STKLD1: variants seen among roughly 807,000 people sequenced by gnomAD.
STKLD1 encodes serine/threonine kinase-like domain-containing protein STKLD1.
In STKLD1, 79 loss-of-function variants were observed where a neutral mutation model predicts 80.4. The observed-to-expected ratio is 0.98, with a 90% CI of 0.82 to 1.19. The LOEUF (loss-of-function observed/expected upper bound fraction) is 1.19, where lower values mean the gene tolerates loss of function less well. Ranked by LOEUF, STKLD1 falls within the 50% of genes most tolerant of loss-of-function variation. STKLD1 has a pLI of 0.00. For missense variants in STKLD1, 841 were observed against 856.0 expected (o/e 0.98, Z 0.22); for synonymous variants, 393 against 357.6 (o/e 1.10, Z -1.12).
Position 133,405,264 on chromosome 9 carries a change from C to T in STKLD1, c.1886C>T (p.Pro629Leu), listed in dbSNP as rs143000003. 1.2e-4 allele frequency: 192 copies of T among 1,606,532 alleles called. No individual in the cohort carries two copies. The African/African-American group carries it at 1.7e-3, about 14-fold the overall frequency. Residue 629 changes from proline (P) to leucine (L), a missense_variant, in exon 18 of 18, where the codon CCG (proline) becomes CTG (leucine). Pro to Leu is a moderately conservative substitution (Grantham distance 98, BLOSUM62 -3). Coordinates refer to ENST00000371957, the MANE Select transcript of STKLD1 (RefSeq NM_153710.5). ...GCTCCACCTGCAGAGGAGATCCTGC[C>T]GGAGCTGGTGTCCAGTAGTATGAAG... ...VHLASYEEIL[P>L]ELVSSSMKAL...
At chr9:133,388,702 G>T in intron 5 of STKLD1, 1 of 966,618 alleles carries the variant, frequency 1.0e-6, no homozygotes, top group Non-Finnish European at 1.2e-6. Flanking sequence ...TCTTATGGAA[G>T]CTTGGTTATT....
At chr9:133,405,101 C>A in intron 17 of STKLD1, 151 bp from the exon 18 acceptor site, 1 of 1,300,256 alleles carries the variant, frequency 7.7e-7, no homozygotes, top group Non-Finnish European at 1.0e-6. Flanking sequence ...GTTGTCCTGG[C>A]TGAGGGTGAC....
chr9:133,378,161 C>T (rs2130256882), intron 1 of STKLD1, among the ~76,000 whole-genome samples: 5 of 152,318 alleles, frequency 3.3e-5, no homozygotes, highest in Non-Finnish European at 5.9e-5. Flanking sequence ...TAACAGGCCA[C>T]GGACTAGGTT....
Position 133,403,693 on chromosome 9 carries a change from G to A in STKLD1, c.1475-7G>A, listed in dbSNP as rs782169477. 1.4e-5 allele frequency: 23 copies of A among 1,611,688 alleles called. No homozygotes were observed. Among genetic ancestry groups the A allele is most frequent in the East Asian group, 1.3e-4 (6 of 44,812 alleles). On this transcript the variant is annotated splice_region_variant and splice_polypyrimidine_tract_variant and intron_variant, in intron 14 of 17. Transcript: ENST00000371957. Reference sequence around the variant, plus strand: ...GGTGTCCCCTTCCATCCCTGTCCTCGTTCCAGGTATCATTGTGAACAAGGC... The same window carrying A: ...GGTGTCCCCTTCCATCCCTGTCCTCATTCCAGGTATCATTGTGAACAAGGC...
At chr9:133,393,603 G>A (rs1554776291) in intron 7 of STKLD1, among the ~76,000 whole-genome samples, 1 of 143,590 alleles carries the variant, frequency 7.0e-6, no homozygotes, top group East Asian at 2.1e-4. Flanking sequence ...GTGAGTGAGT[G>A]AATGGGTGAG....
rs1201931859 is a variant in STKLD1, at chr9:133,390,227, ACACACACACACACACACACACAC to A, written c.468-453_468-431del. ...CACACACACACACACACACACACAC[ACACACACACACACACACACACAC>A]ACCACGCAGACCATACGTACAAAGG... On this transcript the variant is annotated intron_variant, in intron 6 of 17. Coordinates refer to ENST00000371957, the MANE Select transcript of STKLD1 (RefSeq NM_153710.5). The surrounding 1 kb of genome is among the most constrained non-coding windows in gnomAD (Gnocchi z 5.1). Among the ~76,000 whole-genome samples, 1 of 148,072 alleles carries A rather than the reference ACACACACACACACACACACACAC, an allele frequency of 6.8e-6. No individual in the cohort carries two copies. The highest frequency in any genetic ancestry group is 2.6e-5 in the African/African-American group (1 of 38,260).
At position 133,390,685 on chromosome 9, in the gene STKLD1, C is replaced by T. The variant is rs2130286999; in HGVS notation, c.472C>T (p.Leu158Phe). 4 of 1,613,326 alleles carry T rather than the reference C, an allele frequency of 2.5e-6. No individual in the cohort carries two copies. Among genetic ancestry groups the T allele is most frequent in the South Asian group, 1.1e-5 (1 of 90,992 alleles). ...LHHLDIIHRN[L>F]KPSNIILISS... ...AAACCCACCTCTTGGTTTCAGGAAT[C>T]TCAAACCCTCCAACATCATCCTCAT... The change falls in exon 7 of 18, where the codon CTC (leucine) becomes TTC (phenylalanine). Residue 158 changes from leucine (L) to phenylalanine (F), a missense_variant. Physicochemically the swap from Leu to Phe is conservative, Grantham distance 22. Transcript: ENST00000371957. This position sits in a 1 kb window ranked among gnomAD's most constrained non-coding sequence, Gnocchi z 5.1.
intron 5 of STKLD1, chr9:133,387,773 T>C (rs113845480): frequency 0.03 from 19,766 of 651,020 alleles, 435 homozygotes; most frequent in Non-Finnish European, 0.045. Flanking sequence ...ACAGAAGGCG[T>C]TCCTAACACT....
At chr9:133,400,614 G>A (rs1006303243) in intron 12 of STKLD1, 85 bp downstream of exon 12, 27 of 1,124,504 alleles carry the variant, frequency 2.4e-5, no homozygotes, top group South Asian at 2.0e-4. Context: ...GGTGGGCACC[G>A]GGCCGGGTGG....
intron 17 of STKLD1, 138 bp from the exon 18 acceptor site, chr9:133,405,114 T>C: frequency 1.5e-6 from 2 of 1,317,156 alleles, no homozygotes; most frequent in East Asian, 2.4e-5. Context: ...AGGGTGACGC[T>C]TGGGGCTCCG....
At chr9:133,391,226 G>A (rs1323796450) in intron 7 of STKLD1, among the ~76,000 whole-genome samples, 17 of 149,252 alleles carry the variant, frequency 1.1e-4, no homozygotes, top group Admixed American at 3.3e-4. Context: ...CGCCCTGTCC[G>A]GGAGGGAGGT....
At chr9:133,391,192 G>A (rs941973334) in intron 7 of STKLD1, among the ~76,000 whole-genome samples, 2 of 150,744 alleles carry the variant, frequency 1.3e-5, no homozygotes, top group African/African-American at 4.9e-5. Context: ...GAGGTGGGGG[G>A]CTCAGCCCCC....
chr9:133,405,510 G>C lies in STKLD1; in HGVS notation c.*89G>C, dbSNP rs782380893. ...CCTATTATCCCATCTCTATGACTGG[G>C]CCAAAATCAATCTTAAACGGGAGGG... On this transcript the variant is annotated 3_prime_UTR_variant, in exon 18 of 18. Coordinates refer to ENST00000371957, the MANE Select transcript of STKLD1 (RefSeq NM_153710.5). 3.0e-6 allele frequency: 4 copies of C among 1,354,904 alleles called. No individual in the cohort carries two copies. The highest frequency in any genetic ancestry group is 5.0e-5 in the East Asian group (2 of 40,052). The allele number at this position is 1,354,904 out of a possible 1,614,324, so 83.9% of individuals were successfully genotyped here.
intron 15 of STKLD1, 45 bp downstream of exon 15, chr9:133,403,873 G>C (rs782181295): frequency 1.2e-6 from 2 of 1,611,046 alleles, no homozygotes; most frequent in Non-Finnish European, 1.7e-6. Context: ...GGGAGGGGTG[G>C]GCCTCATGGC....
In STKLD1 at chr9:133,380,536, C is replaced by T. The variant is rs2130263758; in HGVS notation, c.174+1414C>T. Among the ~76,000 whole-genome samples the T allele has an allele frequency of 2.8e-4, 43 of 152,196 alleles. No individual in the cohort carries two copies. The East Asian group carries it at 7.0e-3, about 25-fold the overall frequency. ...GAGCATGGTGGTGGGTGCCTATAGT[C>T]CCAGCTACTTGGGAGCTGACGCGGG... On this transcript the variant is annotated intron_variant, in intron 2 of 17. Transcript: ENST00000371957.
intron 5 of STKLD1, 171 bp downstream of exon 5, chr9:133,387,719 A>G: frequency 1.4e-6 from 1 of 699,516 alleles, no homozygotes; most frequent in Non-Finnish European, 2.6e-6. Flanking sequence ...GCAGATCTTA[A>G]GTGCACAGTT....
Position 133,390,765 on chromosome 9 carries a change from CAA to C in STKLD1, c.554_555del (p.Lys185SerfsTer14). On this transcript the variant is annotated frameshift_variant, in exon 7 of 18. Coordinates refer to ENST00000371957, the MANE Select transcript of STKLD1 (RefSeq NM_153710.5). LOFTEE classifies it high-confidence loss of function. The surrounding 1 kb of genome is among the most constrained non-coding windows in gnomAD (Gnocchi z 5.1). ...TGAGTTCCAATGTGCTAATGACAGACAAAGCCAAATGGAATATTCGTGCGGAG... is the reference window on the plus strand; with the variant it reads ...TGAGTTCCAATGTGCTAATGACAGACAGCCAAATGGAATATTCGTGCGGAG... ...DLSSNVLMTD[K>X]AKWNIRAEED... 6.2e-7 allele frequency: 1 copy of C among 1,613,816 alleles called. No homozygotes were observed. Among genetic ancestry groups the C allele is most frequent in the Non-Finnish European group, 8.5e-7 (1 of 1,179,898 alleles).
At chr9:133,387,660 T>C in intron 5 of STKLD1, 112 bp downstream of exon 5, 1 of 834,924 alleles carries the variant, frequency 1.2e-6, no homozygotes, top group Non-Finnish European at 2.1e-6. Context: ...TCCAGCCTTG[T>C]TTTTTTCTTA....
intron 2 of STKLD1, 33 bp from the exon 3 acceptor site, chr9:133,383,823 G>A: frequency 6.2e-7 from 1 of 1,611,864 alleles, no homozygotes; most frequent in East Asian, 2.2e-5. Flanking sequence ...TTTGCTACAT[G>A]TTTATTAAGC....
Sources: allele counts gnomAD v4.1 joint callset (sites outside exome capture counted in the v4.1 genomes callset), GRCh38; gene constraint gnomAD v4.1.1; non-coding constraint Gnocchi (gnomAD v3.1); transcripts MANE v1.5; gene names NCBI Gene and HGNC (gene_info 2026-07-23, HGNC 2026-07-21).